NUDCD1: variants seen among roughly 807,000 people sequenced by gnomAD.
NUDCD1 encodes nudC domain-containing protein 1.
NUDCD1 carries 60 observed loss-of-function variants against 67.8 expected under a neutral mutation model. That is an observed-to-expected ratio of 0.88 (90% CI 0.72 to 1.10). The LOEUF (loss-of-function observed/expected upper bound fraction) is 1.10, where lower values mean the gene tolerates loss of function less well. NUDCD1 is among the 50% of genes least tolerant of loss of function. The pLI is 0.00. For missense variants in NUDCD1, 643 were observed against 695.0 expected, an observed-to-expected ratio of 0.93 and a Z score of 0.84; for synonymous variants, 244 against 230.8, an observed-to-expected ratio of 1.06 and a Z score of -0.52.
chr8:109,276,068 C>T (rs77365941), intron 6 of NUDCD1, among the ~76,000 whole-genome samples: 5,157 of 152,166 alleles, frequency 0.034, 128 homozygotes, highest in Non-Finnish European at 0.054. Context: ...AAAAAATTAA[C>T]TTTGGTAATA....
intron 2 of NUDCD1, among the ~76,000 whole-genome samples, chr8:109,302,509 G>C (rs959833274): frequency 6.6e-6 from 1 of 151,888 alleles, no homozygotes; most frequent in African/African-American, 2.4e-5. Context: ...GCCAAGCCAG[G>C]TCCCAACTCT....
intron 8 of NUDCD1, among the ~76,000 whole-genome samples, chr8:109,267,737 T>C (rs910323949): frequency 6.6e-5 from 10 of 152,196 alleles, no homozygotes; most frequent in African/African-American, 1.9e-4. Flanking sequence ...ATACTGGAAA[T>C]GTCTCATCAA....
At chr8:109,315,798 C>T (rs981810132) in intron 2 of NUDCD1, 7 of 152,164 alleles carry the variant, frequency 4.6e-5, no homozygotes, top group African/African-American at 1.7e-4. Context: ...ATAAAGGGGA[C>T]ACTTTGCCTT....
chr8:109,278,597 T>C (rs1164530754), intron 6 of NUDCD1, among the ~76,000 whole-genome samples: 1 of 152,220 alleles, frequency 6.6e-6, no homozygotes, highest in African/African-American at 2.4e-5. Flanking sequence ...GTGTTCTGAT[T>C]TGTATCACCA....
chr8:109,329,615 T>G (rs770586847), intron 1 of NUDCD1, among the ~76,000 whole-genome samples: 1 of 152,160 alleles, frequency 6.6e-6, no homozygotes, highest in Non-Finnish European at 1.5e-5. Flanking sequence ...AGCAGAGAGA[T>G]GGTTACAGAA....
At chr8:109,277,728 A>T (rs1814329457) in intron 6 of NUDCD1, among the ~76,000 whole-genome samples, 1 of 152,232 alleles carries the variant, frequency 6.6e-6, no homozygotes, top group Non-Finnish European at 1.5e-5. Flanking sequence ...GAAACTACTT[A>T]CATGAAGTCA....
chr8:109,284,729 A>T (rs1814534105), intron 5 of NUDCD1, among the ~76,000 whole-genome samples: 1 of 152,046 alleles, frequency 6.6e-6, no homozygotes, highest in South Asian at 2.1e-4. Flanking sequence ...AAAAGTCTCA[A>T]ATTAATGATC....
At chr8:109,294,810 A>ACCAC (rs1315897822) in intron 3 of NUDCD1, among the ~76,000 whole-genome samples, 2 of 151,856 alleles carry the variant, frequency 1.3e-5, no homozygotes, top group African/African-American at 4.8e-5. Flanking sequence ...AATCACCACC[A>ACCAC]CCACCCTTGG....
chr8:109,291,191 C>T (rs1218136907), intron 4 of NUDCD1, among the ~76,000 whole-genome samples: 1 of 152,164 alleles, frequency 6.6e-6, no homozygotes, highest in African/African-American at 2.4e-5. Flanking sequence ...GGGTCTTACC[C>T]TGTTGCCCAA....
chr8:109,317,829 G>T (rs890043146), intron 2 of NUDCD1, among the ~76,000 whole-genome samples: 1 of 152,040 alleles, frequency 6.6e-6, no homozygotes, highest in East Asian at 1.9e-4. Context: ...TTGCTTTAAC[G>T]TCTAAAAAAC....
intron 8 of NUDCD1, among the ~76,000 whole-genome samples, chr8:109,247,131 G>A (rs1250596979): frequency 6.6e-6 from 1 of 152,096 alleles, no homozygotes; most frequent in African/African-American, 2.4e-5. Context: ...TATTTTCAAA[G>A]TCACCACTAC....
intron 2 of NUDCD1, among the ~76,000 whole-genome samples, chr8:109,297,791 T>C (rs1814879592): frequency 6.6e-6 from 1 of 152,194 alleles, no homozygotes; most frequent in South Asian, 2.1e-4. Context: ...GAGAATATAT[T>C]TTTAAAGGTC....
intron 2 of NUDCD1, among the ~76,000 whole-genome samples, chr8:109,318,948 C>A (rs1212178033): frequency 1.4e-5 from 2 of 143,544 alleles, no homozygotes; most frequent in African/African-American, 5.2e-5. Context: ...CCAATTCCTG[C>A]CCATTTTATG....
chr8:109,306,508 T>C (rs913180947), intron 2 of NUDCD1, among the ~76,000 whole-genome samples: 6 of 152,066 alleles, frequency 3.9e-5, no homozygotes, highest in African/African-American at 1.4e-4. Context: ...TGGGAATCTG[T>C]ATATTTTTAA....
At chr8:109,329,790 T>G in intron 1 of NUDCD1, 1 of 1,548,590 alleles carries the variant, frequency 6.5e-7, no homozygotes, top group Non-Finnish European at 8.7e-7. Context: ...TGAGACAAAT[T>G]TATGTCCTAC....
At position 109,242,964 on chromosome 8, in the gene NUDCD1, C is replaced by G. The variant is rs1229371403; in HGVS notation, c.*45G>C. On this transcript the variant is annotated 3_prime_UTR_variant, in exon 10 of 10. Coordinates refer to ENST00000239690, the MANE Select transcript of NUDCD1 (RefSeq NM_032869.4). ...TATAACTGTCCAGACCTCCAGGTAC[C>G]ACTGAATACTTTTCCAGTACAAAGA... The G allele has an allele frequency of 7.7e-7, 1 of 1,291,002 alleles. No individual in the cohort carries two copies. Among genetic ancestry groups the G allele is most frequent in the African/African-American group, 1.5e-5 (1 of 68,010 alleles). The allele number at this position is 1,291,002 out of a possible 1,614,324, so 80.0% of individuals were successfully genotyped here.
At chr8:109,247,969 T>C (rs1430059195) in intron 8 of NUDCD1, among the ~76,000 whole-genome samples, 12 of 152,154 alleles carry the variant, frequency 7.9e-5, no homozygotes, top group Non-Finnish European at 1.2e-4. Flanking sequence ...TTTGTAGATG[T>C]GGTTAAGTTT....
intron 9 of NUDCD1, among the ~76,000 whole-genome samples, chr8:109,245,075 A>G (rs999191413): frequency 6.6e-6 from 1 of 152,170 alleles, no homozygotes; most frequent in African/African-American, 2.4e-5. Flanking sequence ...GAATAATTCA[A>G]GTGGTTAGAT....
rs145215355 is a variant in NUDCD1, at chr8:109,305,926, G to A, written c.274-9357C>T. On this transcript the variant is annotated intron_variant, in intron 2 of 9. Coordinates refer to ENST00000239690, the MANE Select transcript of NUDCD1 (RefSeq NM_032869.4). ...CCCCCTACTTCCCTTAAACTCACTC[G>A]CATTTCTGAAGAACAGTAATAACCC... is the stretch of plus-strand genomic sequence containing the variant. Among the ~76,000 whole-genome samples the A allele has an allele frequency of 6.1e-3, 931 of 152,144 alleles. 15 individuals carry two copies. Among genetic ancestry groups the A allele is most frequent in the African/African-American group, 0.021 (887 of 41,506 alleles).
Sources: allele counts gnomAD v4.1 joint callset (sites outside exome capture counted in the v4.1 genomes callset), GRCh38; gene constraint gnomAD v4.1.1; transcripts MANE v1.5; gene names NCBI Gene and HGNC (gene_info 2026-07-23, HGNC 2026-07-21).